PMM2: variants seen among roughly 807,000 people sequenced by gnomAD.
PMM2 encodes the protein mannose-6-phosphate isomerase.
Under a neutral mutation model 33.2 loss-of-function variants are expected in PMM2, and 35 were observed. The observed-to-expected ratio is 1.06, with a 90% CI of 0.81 to 1.40. PMM2 has a LOEUF of 1.40. Among genes scored for constraint, PMM2 ranks in the 40% most tolerant of loss-of-function variants. The pLI is 0.00. For synonymous variants in PMM2, 153 were observed against 114.7 expected, an observed-to-expected ratio of 1.33 and a Z score of -2.13; for missense variants, 386 against 306.0, an observed-to-expected ratio of 1.26 and a Z score of -1.95.
intron 7 of PMM2, among the ~76,000 whole-genome samples, chr16:8,824,749 C>G (rs1055474107): frequency 1.3e-5 from 2 of 151,814 alleles, no homozygotes; most frequent in Non-Finnish European, 2.9e-5. Context: ...AATCCCAGGT[C>G]ACCATAAGTA....
At chr16:8,800,920 T>G (rs922152948) in intron 1 of PMM2, among the ~76,000 whole-genome samples, 1 of 152,218 alleles carries the variant, frequency 6.6e-6, no homozygotes, top group African/African-American at 2.4e-5. Flanking sequence ...TGACCTCAGG[T>G]GATCCACCCG....
rs953778279 is a variant in PMM2 at position 8,799,379 on chromosome 16, G to C, written c.66+1431G>C. Among the ~76,000 whole-genome samples, 4 of 152,092 alleles carry C rather than the reference G, an allele frequency of 2.6e-5. 1 individual carries two copies. Among genetic ancestry groups the C allele is most frequent in the African/African-American group, 9.7e-5 (4 of 41,400 alleles). ...AACATAAGGAAACACACTCAGTGAA[G>C]AACTAACCTCCTCAGTTTCACACAG... On this transcript the variant is annotated intron_variant, in intron 1 of 7. Transcript: ENST00000268261.
At chr16:8,817,647 C>A (rs933010138) in intron 7 of PMM2, among the ~76,000 whole-genome samples, 6 of 152,164 alleles carry the variant, frequency 3.9e-5, no homozygotes, top group Non-Finnish European at 8.8e-5. Context: ...TTTTTAAAAT[C>A]TTACCTACGT....
At chr16:8,802,778 C>T (rs559992057) in intron 2 of PMM2, among the ~76,000 whole-genome samples, 1 of 150,546 alleles carries the variant, frequency 6.6e-6, no homozygotes, top group African/African-American at 2.4e-5. Context: ...TGCAATGAGC[C>T]GAGATCACAC....
intron 7 of PMM2, among the ~76,000 whole-genome samples, chr16:8,831,637 G>C (rs1485781890): frequency 3.9e-5 from 6 of 152,212 alleles, no homozygotes; most frequent in Non-Finnish European, 7.3e-5. Flanking sequence ...AGCAGTTCAC[G>C]CAGGCTGTGA....
chr16:8,815,530 C>G (rs1172473299), intron 7 of PMM2, among the ~76,000 whole-genome samples: 1 of 152,034 alleles, frequency 6.6e-6, no homozygotes, highest in Non-Finnish European at 1.5e-5. Flanking sequence ...CGTGCCCGGT[C>G]AGAATATACT....
chr16:8,808,917 T>C (rs1467661775), intron 4 of PMM2: 1 of 152,246 alleles, frequency 6.6e-6, no homozygotes, highest in East Asian at 1.9e-4. Context: ...GTTACATCAT[T>C]TGCCTCTTTC....
At chr16:8,817,361 A>G (rs997233533) in intron 7 of PMM2, among the ~76,000 whole-genome samples, 1 of 152,226 alleles carries the variant, frequency 6.6e-6, no homozygotes, top group African/African-American at 2.4e-5. Context: ...CCTAGGATCT[A>G]AGGGATGCCC....
chr16:8,813,018 C>G lies in PMM2; in HGVS notation c.551C>G (p.Pro184Arg). The change falls in exon 7 of 8, where the codon CCT becomes CGT. Residue 184 changes from proline to arginine, a missense_variant. Physicochemically the swap from Pro to Arg is moderately radical, Grantham distance 103. Transcript: ENST00000268261. ...GGCCAGATCAGCTTTGATGTCTTTCCTGATGGATGGGACAAGAGATACTGT... is the reference window on the plus strand; with the variant it reads ...GGCCAGATCAGCTTTGATGTCTTTCGTGATGGATGGGACAAGAGATACTGT... ...IGGQISFDVF[P>R]DGWDKRYCLR... The G allele has an allele frequency of 6.2e-7, 1 of 1,613,312 alleles. No homozygotes were observed. Among genetic ancestry groups the G allele is most frequent in the Non-Finnish European group, 8.5e-7 (1 of 1,179,252 alleles).
At chr16:8,833,091 A>G (rs1027695704) in intron 7 of PMM2, 2 of 186,918 alleles carry the variant, frequency 1.1e-5, no homozygotes, top group African/African-American at 4.8e-5. Flanking sequence ...TGTGTGAGCA[A>G]CATGGCTGTT....
chr16:8,835,089 A>G (rs2060835513), intron 7 of PMM2, among the ~76,000 whole-genome samples: 2 of 148,172 alleles, frequency 1.3e-5, no homozygotes, highest in Non-Finnish European at 3.0e-5. Context: ...ACGGCCTCTA[A>G]AAGTATTAAA....
At chr16:8,837,208 G>A (rs2060855315) in intron 7 of PMM2, among the ~76,000 whole-genome samples, 1 of 152,004 alleles carries the variant, frequency 6.6e-6, no homozygotes, top group Admixed American at 6.6e-5. Flanking sequence ...AGGGACTGAT[G>A]TGTAAAAGAA....
At chr16:8,841,788 A>G (rs1017336915) in intron 7 of PMM2, among the ~76,000 whole-genome samples, 1 of 113,024 alleles carries the variant, frequency 8.8e-6, no homozygotes, top group Non-Finnish European at 2.0e-5. Flanking sequence ...GTGTGGTATC[A>G]GGAATAATGT....
intron 7 of PMM2, among the ~76,000 whole-genome samples, chr16:8,826,748 C>G (rs985798344): frequency 6.6e-6 from 1 of 152,048 alleles, no homozygotes; most frequent in Non-Finnish European, 1.5e-5. Flanking sequence ...AATATATAGA[C>G]CGAAGAAGAT....
chr16:8,833,048 C>T (rs369156077), intron 7 of PMM2: 7 of 329,286 alleles, frequency 2.1e-5, no homozygotes, highest in Middle Eastern at 1.6e-3. Flanking sequence ...GGGTTTCGTG[C>T]GCGTCCGTGT....
intron 7 of PMM2, among the ~76,000 whole-genome samples, chr16:8,841,176 T>G (rs11074948): frequency 0.94 from 141,989 of 150,388 alleles, 67,221 homozygotes; most frequent in East Asian, 0.97. Flanking sequence ...GATTGAGGAC[T>G]GTAAGGGATA....
intron 4 of PMM2, chr16:8,806,984 T>A (rs1470834279): frequency 6.5e-6 from 1 of 154,746 alleles, no homozygotes; most frequent in Non-Finnish European, 1.4e-5. Context: ...GATTTTATGT[T>A]TGTTTTATTT....
chr16:8,806,390 TAA>T lies in PMM2; in HGVS notation c.332_333del (p.Lys111ThrfsTer10). The T allele has an allele frequency of 6.8e-6, 11 of 1,611,818 alleles. No homozygotes were observed. Among genetic ancestry groups the T allele is most frequent in the Non-Finnish European group, 9.3e-6 (11 of 1,177,856 alleles). On this transcript the variant is annotated frameshift_variant, in exon 4 of 8. Coordinates refer to ENST00000268261, the MANE Select transcript of PMM2 (RefSeq NM_000303.3). LOFTEE classifies it high-confidence loss of function. ...NYCLSYIAKI[K>X]LPKKRGTFIE... ...ACTGTCTGAGCTACATTGCGAAAATTAAACTCCCGAAGAAGAGGTGGGTTTGC... is the reference window on the plus strand; with the variant it reads ...ACTGTCTGAGCTACATTGCGAAAATTACTCCCGAAGAAGAGGTGGGTTTGC...
At chr16:8,831,199 G>A (rs8062235) in intron 7 of PMM2, among the ~76,000 whole-genome samples, 135,088 of 152,310 alleles carry the variant, frequency 0.89, 60,373 homozygotes, top group East Asian at 0.97. Context: ...AGTTCAGCCT[G>A]TGCCCTGGAA....
Sources: gnomAD v4.1 joint callset for allele counts (sites outside exome capture counted in the v4.1 genomes callset) on GRCh38, gnomAD v4.1.1 for gene constraint, MANE v1.5 for transcripts, NCBI Gene and HGNC (gene_info 2026-07-23, HGNC 2026-07-21) for gene names.